The following ATP2C1 variants were observed in gnomAD, a reference collection of about 807,000 sequenced individuals.
ATP2C1 encodes the protein calcium-transporting ATPase type 2C member 1.
A neutral mutation model predicts 120.5 loss-of-function variants in ATP2C1; 31 were observed. The observed-to-expected ratio is 0.26, with a 90% CI of 0.19 to 0.35. The LOEUF (loss-of-function observed/expected upper bound fraction) is 0.35, where lower values mean the gene tolerates loss of function less well. Ranked by LOEUF, ATP2C1 falls within the 10% of genes least tolerant of loss-of-function variation. The pLI is 1.00. For synonymous variants in ATP2C1, 351 were observed against 358.7 expected (o/e 0.98, Z 0.24); for missense variants, 731 against 1,107.5 (o/e 0.66, Z 4.83).
chr3:130,926,850 G>A (rs2059231737), intron 2 of ATP2C1, among the ~76,000 whole-genome samples: 1 of 152,202 alleles, frequency 6.6e-6, no homozygotes, highest in Non-Finnish European at 1.5e-5. Flanking sequence ...TTTGCGCCTG[G>A]TTTTGGTTGC....
intron 16 of ATP2C1, among the ~76,000 whole-genome samples, chr3:130,968,610 C>A (rs1158644707): frequency 6.6e-6 from 1 of 152,088 alleles, no homozygotes; most frequent in Non-Finnish European, 1.5e-5. Context: ...CGTATTTGCA[C>A]GACCAGGAGG....
intron 2 of ATP2C1, among the ~76,000 whole-genome samples, chr3:130,916,253 A>G (rs1019433069): frequency 6.6e-6 from 1 of 151,464 alleles, no homozygotes; most frequent in African/African-American, 2.4e-5. Context: ...TCAAAAAAAA[A>G]AAAAAACAAA....
At chr3:130,963,342 C>T (rs2060909059) in intron 12 of ATP2C1, 1 of 154,568 alleles carries the variant, frequency 6.5e-6, no homozygotes, top group Non-Finnish European at 1.4e-5. Context: ...GGCAACCACT[C>T]ACTAATCTGC....
Position 130,894,815 on chromosome 3 carries a change from G to A in ATP2C1, c.6+40G>A, listed in dbSNP as rs1261204199. 1 of 1,578,866 alleles carries A rather than the reference G, an allele frequency of 6.3e-7. No homozygotes were observed. The highest frequency in any genetic ancestry group is 1.3e-5 in the African/African-American group (1 of 74,128). Reference sequence around the variant, plus strand: ...CCGACCGGTTGCAACGCGGAGTTGAGGGTGTGGTGGTTTGCTTTTAAGTTG... The same window carrying A: ...CCGACCGGTTGCAACGCGGAGTTGAAGGTGTGGTGGTTTGCTTTTAAGTTG... On this transcript the variant is annotated intron_variant, in intron 2 of 27. Transcript: ENST00000510168. The surrounding 1 kb of genome is among the most constrained non-coding windows in gnomAD (Gnocchi z 4.5).
intron 24 of ATP2C1, among the ~76,000 whole-genome samples, chr3:130,997,201 T>A (rs1221009131): frequency 2.6e-5 from 4 of 152,126 alleles, no homozygotes; most frequent in Admixed American, 2.0e-4. Flanking sequence ...TTTTAAAAAA[T>A]TTAATAATAA....
At chr3:130,965,102 G>A in intron 14 of ATP2C1, 57 bp downstream of exon 14, 1 of 1,232,386 alleles carries the variant, frequency 8.1e-7, no homozygotes, top group Non-Finnish European at 1.2e-6. Context: ...GAAACTTGGT[G>A]TTTAACATTC....
At chr3:130,986,841 T>G (rs1486132914) in intron 20 of ATP2C1, among the ~76,000 whole-genome samples, 1 of 152,122 alleles carries the variant, frequency 6.6e-6, no homozygotes. Flanking sequence ...AGCCAATATG[T>G]TTATTTGGCC....
chr3:130,991,253 A>T (rs2062327220), intron 20 of ATP2C1, among the ~76,000 whole-genome samples: 1 of 152,182 alleles, frequency 6.6e-6, no homozygotes, highest in Admixed American at 6.5e-5. Flanking sequence ...AGGAGGGACT[A>T]ATCAGCTACG....
chr3:131,005,219 G>A (rs1246227579), downstream of ATP2C1, among the ~76,000 whole-genome samples: 2 of 148,092 alleles, frequency 1.4e-5, no homozygotes, highest in African/African-American at 2.5e-5. Context: ...AGGATCAAGC[G>A]ATCCTCCCAC....
intron 8 of ATP2C1, among the ~76,000 whole-genome samples, chr3:130,945,835 A>AG (rs1452728667): frequency 4.6e-5 from 7 of 151,922 alleles, no homozygotes; most frequent in African/African-American, 1.7e-4. Flanking sequence ...AGTCTATATC[A>AG]ATATTTGGAT....
intron 8 of ATP2C1, among the ~76,000 whole-genome samples, chr3:130,952,787 G>A (rs1256832917): frequency 6.6e-6 from 1 of 152,180 alleles, no homozygotes; most frequent in Non-Finnish European, 1.5e-5. Flanking sequence ...GAATAAAATG[G>A]ATGGAAATTT....
intron 20 of ATP2C1, among the ~76,000 whole-genome samples, chr3:130,984,504 C>T (rs905768679): frequency 3.3e-5 from 5 of 152,198 alleles, no homozygotes; most frequent in African/African-American, 1.2e-4. Flanking sequence ...CTTCCCTCAT[C>T]CTCTAGCAAG....
Position 130,926,323 on chromosome 3 carries a change from C to G in ATP2C1, c.7-4093C>G, listed in dbSNP as rs371893221. 1.1e-4 allele frequency among the ~76,000 whole-genome samples: 17 copies of G among 152,240 alleles called. No homozygotes were observed. In the South Asian group the frequency reaches 2.9e-3, roughly 26 times the overall value. ...GTTTCGAATAATGTGTATCTACCTACAAAGTTCAGGCATGGAACGAGGCAA... is the reference window on the plus strand; with the variant it reads ...GTTTCGAATAATGTGTATCTACCTAGAAAGTTCAGGCATGGAACGAGGCAA... On this transcript the variant is annotated intron_variant, in intron 2 of 27. Coordinates refer to ENST00000510168, the MANE Select transcript of ATP2C1 (RefSeq NM_001378687.1).
intron 26 of ATP2C1, among the ~76,000 whole-genome samples, chr3:130,999,012 C>CTA (rs1300992816): frequency 6.6e-6 from 1 of 152,202 alleles, no homozygotes; most frequent in Non-Finnish European, 1.5e-5. Context: ...GAATCCTTAA[C>CTA]TATATTACCA....
At chr3:130,855,242 C>T (rs186455223) in intron 1 of ATP2C1, among the ~76,000 whole-genome samples, 18 of 152,224 alleles carry the variant, frequency 1.2e-4, no homozygotes, top group Admixed American at 2.6e-4. Flanking sequence ...GAATTTTCTG[C>T]TTTAAATGAA....
intron 26 of ATP2C1, among the ~76,000 whole-genome samples, chr3:131,011,622 A>G (rs920361943): frequency 2.6e-5 from 4 of 152,236 alleles, no homozygotes; most frequent in African/African-American, 7.2e-5. Flanking sequence ...CCAGGTCAAA[A>G]GCCAGGTCTG....
chr3:130,857,235 TC>T (rs1468001925), intron 1 of ATP2C1, among the ~76,000 whole-genome samples: 1 of 152,254 alleles, frequency 6.6e-6, no homozygotes, highest in Non-Finnish European at 1.5e-5. Context: ...TTTCACATTA[TC>T]TACAAGATGC....
intron 17 of ATP2C1, among the ~76,000 whole-genome samples, chr3:130,972,315 G>A (rs2061351636): frequency 2.0e-5 from 3 of 152,036 alleles, no homozygotes; most frequent in Admixed American, 2.0e-4. Flanking sequence ...GAGTTGGGGA[G>A]CCCTGTCATA....
chr3:130,907,079 TAC>T (rs55687116), intron 2 of ATP2C1, among the ~76,000 whole-genome samples: 26,027 of 149,522 alleles, frequency 0.17, 2,353 homozygotes, highest in Middle Eastern at 0.23. Flanking sequence ...TATATGTGTG[TAC>T]ACACACACAC....
Sources: allele counts gnomAD v4.1 joint callset (sites outside exome capture counted in the v4.1 genomes callset), GRCh38; gene constraint gnomAD v4.1.1; non-coding constraint Gnocchi (gnomAD v3.1); transcripts MANE v1.5; gene names NCBI Gene and HGNC (gene_info 2026-07-23, HGNC 2026-07-21).